ZNF805: variants seen among roughly 807,000 people sequenced by gnomAD.
ZNF805 encodes zinc finger protein 805.
ZNF805 carries 7 observed loss-of-function variants against 13.6 expected under a neutral mutation model. The ratio of observed to expected loss-of-function variants is 0.51; its 90% CI spans 0.29 to 0.97. The LOEUF is 0.97. Among genes scored for constraint, ZNF805 ranks in the 50% least tolerant of loss-of-function variants. The pLI is 0.08. For missense variants in ZNF805, 604 were observed against 771.0 expected, an observed-to-expected ratio of 0.78 and a Z score of 2.57; for synonymous variants, 293 against 279.8, an observed-to-expected ratio of 1.05 and a Z score of -0.47.
At position 57,257,091 on chromosome 19, in the gene ZNF805, C is replaced by T. The variant is rs954375218; in HGVS notation, c.*2388C>T. On this transcript the variant is annotated 3_prime_UTR_variant, in exon 4 of 4. Transcript: ENST00000414468. ...ATTGTTTAATAGTGTTTGGAGTATT[C>T]CCTGCTATTTGTTATTGATTTCTAA... is the stretch of plus-strand genomic sequence containing the variant. Among the ~76,000 whole-genome samples, 5 of 152,084 alleles carry T rather than the reference C, an allele frequency of 3.3e-5. No individual in the cohort carries two copies. The highest frequency in any genetic ancestry group is 1.9e-4 in the East Asian group (1 of 5,190).
rs1443308128 is a variant in ZNF805 at position 57,257,068 on chromosome 19, T to C, written c.*2365T>C. On this transcript the variant is annotated 3_prime_UTR_variant, in exon 4 of 4. Coordinates refer to ENST00000414468, the MANE Select transcript of ZNF805 (RefSeq NM_001023563.4). ...ACCCAGGAATTATTTAGAAGTATAT[T>C]GTTTAATAGTGTTTGGAGTATTCCC... Among the ~76,000 whole-genome samples the C allele has an allele frequency of 6.6e-6, 1 of 152,222 alleles. No individual in the cohort carries two copies. Among genetic ancestry groups the C allele is most frequent in the Non-Finnish European group, 1.5e-5 (1 of 68,038 alleles).
intron 3 of ZNF805, among the ~76,000 whole-genome samples, chr19:57,252,030 A>G (rs2087655117): frequency 6.6e-6 from 1 of 152,126 alleles, no homozygotes; most frequent in South Asian, 2.1e-4. Flanking sequence ...ACTGCTCTTC[A>G]CAGCTGTCAC....
At chr19:57,245,588 G>A (rs919519462) in intron 2 of ZNF805, among the ~76,000 whole-genome samples, 13 of 148,956 alleles carry the variant, frequency 8.7e-5, no homozygotes, top group South Asian at 4.3e-4. Context: ...GACCATCCTG[G>A]CTAACACGGT....
chr19:57,257,776 C>T lies in ZNF805; in HGVS notation c.*3073C>T, dbSNP rs1041285699. 5.5e-4 allele frequency among the ~76,000 whole-genome samples: 79 copies of T among 144,574 alleles called. No individual in the cohort carries two copies. Among genetic ancestry groups the T allele is most frequent in the African/African-American group, 9.1e-4 (35 of 38,266 alleles). 94.8% of individuals were successfully genotyped at this position (144,574 alleles called of 152,430 possible). The stretch of plus-strand genomic sequence containing the variant: ...GGCTGGAGTGGAGTGGTGCGATCTC[C>T]GCTCACTGCAACCTCCGCCTCCTGG... On this transcript the variant is annotated 3_prime_UTR_variant, in exon 4 of 4. Transcript: ENST00000414468.
Position 57,248,606 on chromosome 19 carries a change from G to C in ZNF805, c.159G>C (p.Gly53=). ...LENCGLLVSL[G]CPVPRPELIY... is the part of the protein sequence containing the mutation. Reference sequence around the variant, plus strand: ...TCCACTTGCTTTCTCCATAAACAGGGTGTCCTGTTCCCAGACCTGAGCTGA... The same window carrying C: ...TCCACTTGCTTTCTCCATAAACAGGCTGTCCTGTTCCCAGACCTGAGCTGA... The change falls in exon 3 of 4, where the codon GGG becomes GGC. Residue 53 remains glycine, a splice_region_variant and synonymous_variant. Transcript: ENST00000414468. 1 of 1,584,958 alleles carries C rather than the reference G, an allele frequency of 6.3e-7. No individual in the cohort carries two copies. The highest frequency in any genetic ancestry group is 8.6e-7 in the Non-Finnish European group (1 of 1,164,076).
chr19:57,245,286 A>T (rs1364288388), intron 2 of ZNF805, among the ~76,000 whole-genome samples: 1 of 152,078 alleles, frequency 6.6e-6, no homozygotes, highest in South Asian at 2.1e-4. Flanking sequence ...TCAGCATTTC[A>T]CATGGCCGCC....
rs2087729567 is a variant in ZNF805, at chr19:57,262,350, G to GGA, written c.*7647_*7648insGA. On this transcript the variant is annotated 3_prime_UTR_variant, in exon 4 of 4. Transcript: ENST00000414468. ...TATACGTGTAAACCATTGTAACCAAGAAAAAAAAAAAAAGTCAGAGTCACA... is the reference window on the plus strand; with the variant it reads ...TATACGTGTAAACCATTGTAACCAAGGAAAAAAAAAAAAAAGTCAGAGTCACA... 3.9e-5 allele frequency: 6 copies of GGA among 153,444 alleles called. No homozygotes were observed. Among genetic ancestry groups the GGA allele is most frequent in the South Asian group, 2.2e-4 (1 of 4,552 alleles). 9.5% of individuals were successfully genotyped at this position (153,444 alleles called of 1,614,324 possible).
rs912763803 is a variant in ZNF805 at position 57,262,360 on chromosome 19, AAAAGTC to A, written c.*7659_*7664del. On this transcript the variant is annotated 3_prime_UTR_variant, in exon 4 of 4. Transcript: ENST00000414468. Reference sequence around the variant, plus strand: ...AACCATTGTAACCAAGAAAAAAAAAAAAAGTCAGAGTCACAGTGAAAATACTTAACA... The same window carrying A: ...AACCATTGTAACCAAGAAAAAAAAAAAGAGTCACAGTGAAAATACTTAACA... 3 of 166,854 alleles carry A rather than the reference AAAAGTC, an allele frequency of 1.8e-5. No homozygotes were observed. Among genetic ancestry groups the A allele is most frequent in the Admixed American group, 1.3e-4 (2 of 15,228 alleles). The allele number at this position is 166,854 out of a possible 1,614,324, so 10.3% of individuals were successfully genotyped here.
In ZNF805 at chr19:57,256,107, G is replaced by C. The variant is rs531630019; in HGVS notation, c.*1404G>C. Reference sequence around the variant, plus strand: ...TTAATTATGTGATGTTACTTCTATAGTCAGTTGATATGATGTGTTACCTTG... The same window carrying C: ...TTAATTATGTGATGTTACTTCTATACTCAGTTGATATGATGTGTTACCTTG... On this transcript the variant is annotated 3_prime_UTR_variant, in exon 4 of 4. Coordinates refer to ENST00000414468, the MANE Select transcript of ZNF805 (RefSeq NM_001023563.4). 6.6e-6 allele frequency among the ~76,000 whole-genome samples: 1 copy of C among 152,086 alleles called. No homozygotes were observed. Among genetic ancestry groups the C allele is most frequent in the South Asian group, 2.1e-4 (1 of 4,828 alleles).
At chr19:57,249,191 G>T (rs1464488228) in intron 3 of ZNF805, among the ~76,000 whole-genome samples, 2 of 152,064 alleles carry the variant, frequency 1.3e-5, no homozygotes, top group Non-Finnish European at 2.9e-5. Flanking sequence ...CTTCTTGCTG[G>T]TAGAGAATTA....
At chr19:57,245,773 C>T (rs949453195) in intron 2 of ZNF805, among the ~76,000 whole-genome samples, 19 of 148,312 alleles carry the variant, frequency 1.3e-4, no homozygotes, top group African/African-American at 4.0e-4. Context: ...AGCGAGACTC[C>T]ATCTCAAAAA....
In ZNF805 at chr19:57,260,264, G is replaced by A. The variant is rs1029217195; in HGVS notation, c.*5561G>A. The stretch of plus-strand genomic sequence containing the variant: ...TATTAACCAGCTTCTTTCCCATAAT[G>A]TATAGCTTTAGTCGGATCTCAAGCC... On this transcript the variant is annotated 3_prime_UTR_variant, in exon 4 of 4. Coordinates refer to ENST00000414468, the MANE Select transcript of ZNF805 (RefSeq NM_001023563.4). Among the ~76,000 whole-genome samples the A allele has an allele frequency of 6.6e-6, 1 of 152,108 alleles. No homozygotes were observed. The highest frequency in any genetic ancestry group is 1.5e-5 in the Non-Finnish European group (1 of 68,026).
chr19:57,261,997 G>A lies in ZNF805; in HGVS notation c.*7294G>A, dbSNP rs1056583062. 4 of 165,806 alleles carry A rather than the reference G, an allele frequency of 2.4e-5. No homozygotes were observed. The highest frequency in any genetic ancestry group is 4.4e-5 in the Non-Finnish European group (3 of 68,116). 10.3% of individuals were successfully genotyped at this position (165,806 alleles called of 1,614,324 possible). A position where few individuals can be genotyped will look rare whatever the true frequency, so the allele number is the denominator to read the frequency against. ...AGTCGTCTTGAGCACCCATTGCTCA[G>A]AGTTTATATTGGACTTGCTTTCTAG... On this transcript the variant is annotated 3_prime_UTR_variant, in exon 4 of 4. Coordinates refer to ENST00000414468, the MANE Select transcript of ZNF805 (RefSeq NM_001023563.4).
At chr19:57,242,950 G>C (rs1297803410) in intron 1 of ZNF805, among the ~76,000 whole-genome samples, 1 of 152,146 alleles carries the variant, frequency 6.6e-6, no homozygotes, top group Non-Finnish European at 1.5e-5. Flanking sequence ...GGCTGAACTT[G>C]GTGCTCACAC....
chr19:57,241,373 C>G (rs2087579002), intron 1 of ZNF805, among the ~76,000 whole-genome samples: 1 of 151,992 alleles, frequency 6.6e-6, no homozygotes, highest in African/African-American at 2.4e-5. Flanking sequence ...GAGGACCAAG[C>G]AGAGAAAGCC....
In ZNF805 at chr19:57,240,663, C is replaced by T. The variant is rs543424943; in HGVS notation, c.-229C>T. ...GTCCACGCCGGCTCTAGGGAGGGGG[C>T]GGTGTTCCGTGGCCGCCTCCCTGGC... On this transcript the variant is annotated 5_prime_UTR_variant, in exon 1 of 4. Transcript: ENST00000414468. The T allele has an allele frequency of 3.3e-5, 17 of 513,484 alleles. No individual in the cohort carries two copies. The highest frequency in any genetic ancestry group is 1.6e-4 in the African/African-American group (8 of 50,422). The allele number at this position is 513,484 out of a possible 1,614,324, so 31.8% of individuals were successfully genotyped here. A position where few individuals can be genotyped will look rare whatever the true frequency, so the allele number is the denominator to read the frequency against.
At chr19:57,245,734 G>A (rs1205702942) in intron 2 of ZNF805, among the ~76,000 whole-genome samples, 1 of 151,082 alleles carries the variant, frequency 6.6e-6, no homozygotes, top group Non-Finnish European at 1.5e-5. Context: ...AGCTGAGATT[G>A]CACCACTGCA....
chr19:57,260,751 C>T lies in ZNF805; in HGVS notation c.*6048C>T, dbSNP rs114361962. Among the ~76,000 whole-genome samples, 680 of 152,290 alleles carry T rather than the reference C, an allele frequency of 4.5e-3. 2 individuals carry two copies. Among genetic ancestry groups the T allele is most frequent in the African/African-American group, 0.015 (641 of 41,556 alleles). ...ATCTGTGTCTCCAGGTTGGATGTTTCTCATGTCGTTAACCACTGGTCATCC... is the reference window on the plus strand; with the variant it reads ...ATCTGTGTCTCCAGGTTGGATGTTTTTCATGTCGTTAACCACTGGTCATCC... On this transcript the variant is annotated 3_prime_UTR_variant, in exon 4 of 4. Transcript: ENST00000414468.
chr19:57,242,389 T>C (rs747235328), intron 1 of ZNF805, among the ~76,000 whole-genome samples: 11 of 152,254 alleles, frequency 7.2e-5, no homozygotes, highest in Admixed American at 5.2e-4. Flanking sequence ...AGAGGACTTA[T>C]GAGGTTACCA....
Sources: gnomAD v4.1 joint callset for allele counts (sites outside exome capture counted in the v4.1 genomes callset) on GRCh38, gnomAD v4.1.1 for gene constraint, MANE v1.5 for transcripts, NCBI Gene and HGNC (gene_info 2026-07-23, HGNC 2026-07-21) for gene names.